Variants in TRMT6 observed in about 807,000 individuals in gnomAD.
TRMT6 encodes the protein tRNA (adenine(58)-N(1))-methyltransferase non-catalytic subunit TRM6.
A neutral mutation model predicts 59.0 loss-of-function variants in TRMT6; 34 were observed. The ratio of observed to expected loss-of-function variants is 0.58; its 90% CI spans 0.44 to 0.77. The LOEUF (loss-of-function observed/expected upper bound fraction) is 0.77, where lower values mean the gene tolerates loss of function less well. Among genes scored for constraint, TRMT6 ranks in the 30% least tolerant of loss-of-function variants. The probability of loss-of-function intolerance (pLI) is 0.00; values close to 1 mark genes in which losing one functional copy is unlikely to be tolerated. For synonymous variants in TRMT6, 217 were observed against 210.5 expected (o/e 1.03, Z -0.27); for missense variants, 575 against 604.5 (o/e 0.95, Z 0.51).
chr20:5,949,746 T>C (rs73596147), intron 1 of TRMT6, among the ~76,000 whole-genome samples: 8,380 of 152,052 alleles, frequency 0.055, 419 homozygotes, highest in South Asian at 0.12. Flanking sequence ...TCATTTTTTG[T>C]GGGATAGATC....
chr20:5,950,460 C>A lies in TRMT6; in HGVS notation c.-55G>T. The A allele has an allele frequency of 6.6e-7, 1 of 1,517,212 alleles. No homozygotes were observed. Among genetic ancestry groups the A allele is most frequent in the South Asian group, 1.2e-5 (1 of 82,816 alleles). The allele number at this position is 1,517,212 out of a possible 1,614,324, so 94.0% of individuals were successfully genotyped here. On this transcript the variant is annotated 5_prime_UTR_variant, in exon 1 of 11. Coordinates refer to ENST00000203001, the MANE Select transcript of TRMT6 (RefSeq NM_015939.5). ...CGTCCCGCCCCTCCTCCTCGGTTGT[C>A]GCCACCGCCAGCCTCACTTCCCACA...
chr20:5,941,456 A>T, intron 8 of TRMT6, 111 bp from the exon 9 acceptor site: 3 of 757,016 alleles, frequency 4.0e-6, no homozygotes, highest in Non-Finnish European at 6.6e-6. Flanking sequence ...TCACAAAGAG[A>T]AGAGATTTAA....
rs749844470 is a variant in TRMT6, at chr20:5,942,606, G to A, written c.848C>T (p.Ala283Val). Residue 283 changes from alanine to valine, a missense_variant, in exon 7 of 11, where the codon GCT (alanine) becomes GTT (valine). Physicochemically the swap from Ala to Val is moderately conservative, Grantham distance 64. Transcript: ENST00000203001. ...TGTGCCATTACTTTCTTCAACCAAA[G>A]CACTGTCTTTTGGCTCTGAAGATAA... ...KMLSSEPKDS[A>V]LVEESNGTLE... The A allele has an allele frequency of 6.2e-7, 1 of 1,614,066 alleles. No individual in the cohort carries two copies. Among genetic ancestry groups the A allele is most frequent in the South Asian group, 1.1e-5 (1 of 91,066 alleles).
chr20:5,950,476 A>G lies in TRMT6; in HGVS notation c.-71T>C. On this transcript the variant is annotated 5_prime_UTR_variant, in exon 1 of 11. Coordinates refer to ENST00000203001, the MANE Select transcript of TRMT6 (RefSeq NM_015939.5). ...CTCGGTTGTCGCCACCGCCAGCCTC[A>G]CTTCCCACAACCTGGCGCACTAGGA... 6.7e-7 allele frequency: 1 copy of G among 1,484,994 alleles called. No homozygotes were observed. Among genetic ancestry groups the G allele is most frequent in the Non-Finnish European group, 9.0e-7 (1 of 1,115,732 alleles). The allele number at this position is 1,484,994 out of a possible 1,614,324, so 92.0% of individuals were successfully genotyped here.
Position 5,944,009 on chromosome 20 carries a change from C to G in TRMT6, c.481G>C (p.Val161Leu), listed in dbSNP as rs755719630. 6.8e-6 allele frequency: 11 copies of G among 1,606,352 alleles called. No individual in the cohort carries two copies. In the South Asian group the frequency reaches 1.2e-4, roughly 18 times the overall value. ...GAAAGAATACGGGTGGATGGCTTCACAACAGTAATGATGGCTTCATATCTG... is the reference window on the plus strand; with the variant it reads ...GAAAGAATACGGGTGGATGGCTTCAGAACAGTAATGATGGCTTCATATCTG... ...KKKYEAIITV[V>L]KPSTRILSIM... Residue 161 changes from valine (V) to leucine (L), a missense_variant, in exon 5 of 11, where the codon GTG (valine) becomes CTG (leucine). Coordinates refer to ENST00000203001, the MANE Select transcript of TRMT6 (RefSeq NM_015939.5).
intron 1 of TRMT6, 124 bp downstream of exon 1, chr20:5,950,154 G>A (rs2088773023): frequency 3.9e-6 from 4 of 1,012,942 alleles, no homozygotes; most frequent in Admixed American, 4.9e-5. Flanking sequence ...AACGAGGGCG[G>A]GGAATGGGGA....
Position 5,938,662 on chromosome 20 carries a change from C to A in TRMT6, c.1367G>T (p.Gly456Val), listed in dbSNP as rs2088628882. The A allele has an allele frequency of 6.2e-7, 1 of 1,614,110 alleles. No homozygotes were observed. The highest frequency in any genetic ancestry group is 1.3e-5 in the African/African-American group (1 of 75,012). Residue 456 changes from glycine (G) to valine (V), a missense_variant, in exon 11 of 11, where the codon GGC (glycine) becomes GTC (valine). Physicochemically the swap from Gly to Val is moderately radical, Grantham distance 109. Transcript: ENST00000203001. Reference protein sequence around the residue: ...MSGGGGYLLSGFTVAMDNLKA... With the variant: ...MSGGGGYLLSVFTVAMDNLKA... ...AAGGTTGTCCATGGCAACGGTGAAG[C>A]CGGAGAGAAGATAACCCCCACCTCC...
At chr20:5,942,937 G>A (rs2088671551) in intron 6 of TRMT6, 151 bp from the exon 7 acceptor site, 4 of 665,740 alleles carry the variant, frequency 6.0e-6, no homozygotes, top group Non-Finnish European at 1.0e-5. Context: ...CAGGGAGTCT[G>A]TTTGGAGTCT....
intron 3 of TRMT6, among the ~76,000 whole-genome samples, chr20:5,944,480 C>T (rs1238619071): frequency 1.3e-5 from 2 of 152,116 alleles, no homozygotes; most frequent in Non-Finnish European, 1.5e-5. Flanking sequence ...ACAGAGATAT[C>T]CAACAAAAGG....
chr20:5,950,466 C>T lies in TRMT6; in HGVS notation c.-61G>A. On this transcript the variant is annotated 5_prime_UTR_variant, in exon 1 of 11. Transcript: ENST00000203001. ...GCCCCTCCTCCTCGGTTGTCGCCACCGCCAGCCTCACTTCCCACAACCTGG... is the reference window on the plus strand; with the variant it reads ...GCCCCTCCTCCTCGGTTGTCGCCACTGCCAGCCTCACTTCCCACAACCTGG... 6.6e-7 allele frequency: 1 copy of T among 1,509,990 alleles called. No homozygotes were observed. Among genetic ancestry groups the T allele is most frequent in the East Asian group, 2.5e-5 (1 of 40,628 alleles). The allele number at this position is 1,509,990 out of a possible 1,614,324, so 93.5% of individuals were successfully genotyped here. A position where few individuals can be genotyped will look rare whatever the true frequency, so the allele number is the denominator to read the frequency against.
At chr20:5,948,416 T>C (rs988726166) in intron 1 of TRMT6, among the ~76,000 whole-genome samples, 9 of 152,180 alleles carry the variant, frequency 5.9e-5, no homozygotes, top group Admixed American at 3.3e-4. Context: ...TGACCTGGGA[T>C]GCAGCTGAGC....
chr20:5,945,368 C>T (rs1032780754), intron 2 of TRMT6, among the ~76,000 whole-genome samples: 1 of 152,242 alleles, frequency 6.6e-6, no homozygotes, highest in African/African-American at 2.4e-5. Flanking sequence ...TTGGCACCTG[C>T]TGCTTCCTCT....
intron 6 of TRMT6, 31 bp from the exon 7 acceptor site, chr20:5,942,817 C>T (rs772560140): frequency 1.3e-5 from 20 of 1,554,824 alleles, no homozygotes; most frequent in South Asian, 8.0e-5. Flanking sequence ...AACATCTGCC[C>T]GTGGAGTGAC....
At chr20:5,942,270 A>G (rs2088663008) in intron 7 of TRMT6, 158 bp downstream of exon 7, 3 of 786,266 alleles carry the variant, frequency 3.8e-6, no homozygotes, top group East Asian at 4.9e-5. Flanking sequence ...CGAAGACCGA[A>G]TCACACGTTT....
chr20:5,943,014 C>T (rs976545197), intron 6 of TRMT6, among the ~76,000 whole-genome samples: 1 of 152,130 alleles, frequency 6.6e-6, no homozygotes, highest in African/African-American at 2.4e-5. Context: ...AGAAGCTTAT[C>T]CCCACTTGAT....
chr20:5,944,204 G>A lies in TRMT6; in HGVS notation c.416C>T (p.Thr139Ile), dbSNP rs1181106177. The change falls in exon 4 of 11, where the codon ACA becomes ATA. Residue 139 changes from threonine to isoleucine, a missense_variant. Coordinates refer to ENST00000203001, the MANE Select transcript of TRMT6 (RefSeq NM_015939.5). ...IENSTTFRDK[T>I]EFAQDKYIKK... ...AATATATTTATCTTGGGCAAATTCT[G>A]TCTTGTCTCGGAATGTTGTACTATT... 1 of 1,568,372 alleles carries A rather than the reference G, an allele frequency of 6.4e-7. No individual in the cohort carries two copies. The highest frequency in any genetic ancestry group is 1.8e-5 in the Admixed American group (1 of 55,010).
intron 3 of TRMT6, 29 bp downstream of exon 3, chr20:5,944,776 A>C: frequency 1.9e-6 from 3 of 1,582,238 alleles, no homozygotes; most frequent in Non-Finnish European, 2.6e-6. Context: ...AACAGACAAA[A>C]ACAAAACTAA....
Position 5,942,690 on chromosome 20 carries a change from T to C in TRMT6, c.764A>G (p.Tyr255Cys). Residue 255 changes from tyrosine to cysteine, a missense_variant, in exon 7 of 11, where the codon TAT (tyrosine) becomes TGT (cysteine). Tyr to Cys is a radical substitution (Grantham distance 194, BLOSUM62 -2). Transcript: ENST00000203001. Reference protein sequence around the residue: ...GFPKSFLSGLYEFPLNKVDSL... With the variant: ...GFPKSFLSGLCEFPLNKVDSL... Reference sequence around the variant, plus strand: ...GTCCACTTTGTTGAGAGGGAATTCATAAAGACCACTGAGAAAAGATTTGGG... The same window carrying C: ...GTCCACTTTGTTGAGAGGGAATTCACAAAGACCACTGAGAAAAGATTTGGG... 6.2e-7 allele frequency: 1 copy of C among 1,614,190 alleles called. No individual in the cohort carries two copies. The highest frequency in any genetic ancestry group is 1.3e-5 in the African/African-American group (1 of 75,056).
chr20:5,941,111 C>T lies in TRMT6; in HGVS notation c.1244G>A (p.Arg415Gln), dbSNP rs745357339. The T allele has an allele frequency of 2.5e-6, 4 of 1,614,178 alleles. No individual in the cohort carries two copies. In the South Asian group the frequency reaches 3.3e-5, roughly 13 times the overall value. ...GAGGTTGATGACCCCTCCCCTCTCCCGCAGTTTTGTGTAGCATTCCAACAG... is the reference window on the plus strand; with the variant it reads ...GAGGTTGATGACCCCTCCCCTCTCCTGCAGTTTTGTGTAGCATTCCAACAG... ...EPLLECYTKL[R>Q]ERGGVINLRL... The change falls in exon 10 of 11, where the codon CGG (arginine) becomes CAG (glutamine). Residue 415 changes from arginine to glutamine, a missense_variant. Transcript: ENST00000203001.
Sources: allele counts gnomAD v4.1 joint callset (sites outside exome capture counted in the v4.1 genomes callset), GRCh38; gene constraint gnomAD v4.1.1; transcripts MANE v1.5; gene names NCBI Gene and HGNC (gene_info 2026-07-23, HGNC 2026-07-21).